UPF2: variants seen among roughly 807,000 people sequenced by gnomAD.
UPF2 encodes UPF2 regulator of nonsense mediated mRNA decay.
A neutral mutation model predicts 141.4 loss-of-function variants in UPF2; 17 were observed. That is an observed-to-expected ratio of 0.12 (90% CI 0.08 to 0.18). UPF2 has a LOEUF of 0.18. Ranked by LOEUF, UPF2 falls within the 10% of genes least tolerant of loss-of-function variation. UPF2 has a pLI of 1.00. For missense variants in UPF2, 1,152 were observed against 1,515.9 expected, an observed-to-expected ratio of 0.76 and a Z score of 3.99; for synonymous variants, 540 against 498.0, an observed-to-expected ratio of 1.08 and a Z score of -1.12.
chr10:11,924,596 T>C (rs1381461095), intron 21 of UPF2, among the ~76,000 whole-genome samples: 1 of 152,096 alleles, frequency 6.6e-6, no homozygotes, highest in East Asian at 1.9e-4. Context: ...AAATCTTTTT[T>C]TTAAACTACT....
At chr10:11,981,847 G>A (rs1035450178) in intron 8 of UPF2, among the ~76,000 whole-genome samples, 16 of 152,188 alleles carry the variant, frequency 1.1e-4, no homozygotes, top group Admixed American at 5.2e-4. Context: ...CACCGTGCCC[G>A]GCTAATTTTT....
chr10:12,006,397 A>C (rs1391463804), intron 4 of UPF2, among the ~76,000 whole-genome samples: 3 of 152,224 alleles, frequency 2.0e-5, no homozygotes, highest in African/African-American at 4.8e-5. Context: ...CTACTCTCAC[A>C]TACTTCTCTC....
chr10:11,969,773 T>C (rs545504498), intron 9 of UPF2, among the ~76,000 whole-genome samples: 15 of 152,336 alleles, frequency 9.8e-5, no homozygotes, highest in African/African-American at 3.4e-4. Flanking sequence ...CCCAGCACTA[T>C]TACTTACACT....
At chr10:11,947,810 GAC>G (rs1833022071) in intron 16 of UPF2, among the ~76,000 whole-genome samples, 1 of 104,006 alleles carries the variant, frequency 9.6e-6, no homozygotes, top group African/African-American at 3.6e-5. Context: ...AAAAAAAAAA[GAC>G]ATGTGGAGAT....
At chr10:12,001,927 G>C in intron 5 of UPF2, 102 bp from the exon 6 acceptor site, 12 of 1,068,380 alleles carry the variant, frequency 1.1e-5, no homozygotes, top group Non-Finnish European at 1.6e-5. Flanking sequence ...TCTTTTAGAA[G>C]CTGCATGTAT....
In UPF2 at chr10:11,948,444, T is replaced by A. The variant is rs1367060563; in HGVS notation, c.3099A>T (p.Glu1033Asp). The A allele has an allele frequency of 4.3e-6, 7 of 1,612,772 alleles. 1 individual carries two copies. The Admixed American group carries it at 5.0e-5, about 12-fold the overall frequency. Residue 1033 changes from glutamate (E) to aspartate (D), a missense_variant, in exon 16 of 22, where the codon GAA becomes GAT. Physicochemically the swap from Glu to Asp is conservative, Grantham distance 45. Coordinates refer to ENST00000357604, the MANE Select transcript of UPF2 (RefSeq NM_015542.4). ...MTEGENLEED[E>D]EEEEGGAETE... ...TTTCAGCCCCACCTTCTTCTTCTTC[T>A]TCATCCTCTTCAAGATTTTCTCCTT...
intron 11 of UPF2, among the ~76,000 whole-genome samples, chr10:11,960,342 T>G (rs183902222): frequency 3.3e-4 from 50 of 151,842 alleles, no homozygotes; most frequent in African/African-American, 1.2e-3. Context: ...AGATCAGGAG[T>G]TTGAGACTAG....
rs1297597447 is a variant in UPF2, at chr10:12,016,650, C to T, written c.1146-2466G>A. Among the ~76,000 whole-genome samples, 1 of 151,194 alleles carries T rather than the reference C, an allele frequency of 6.6e-6. No individual in the cohort carries two copies. Among genetic ancestry groups the T allele is most frequent in the Non-Finnish European group, 1.5e-5 (1 of 67,888 alleles). On this transcript the variant is annotated intron_variant, in intron 3 of 21. Coordinates refer to ENST00000357604, the MANE Select transcript of UPF2 (RefSeq NM_015542.4). This position sits in a 1 kb window ranked among gnomAD's most constrained non-coding sequence, Gnocchi z 4.1. ...CAGAGGTTGCAGTGAGCCAAGATTG[C>T]ACCACTGTACTCCAGCCTGGGCGAC... is the stretch of plus-strand genomic sequence containing the variant.
At chr10:11,951,949 C>A in intron 15 of UPF2, 117 bp downstream of exon 15, 1 of 1,104,660 alleles carries the variant, frequency 9.1e-7, no homozygotes, top group Admixed American at 2.0e-5. Context: ...ACGTAACACT[C>A]AACACCGAAA....
At chr10:12,030,768 C>T (rs1473954294) in intron 2 of UPF2, among the ~76,000 whole-genome samples, 2 of 150,126 alleles carry the variant, frequency 1.3e-5, no homozygotes, top group Non-Finnish European at 3.0e-5. Flanking sequence ...CCTGTAGTCC[C>T]AGCTACTCAG....
At chr10:11,976,123 G>A (rs748597857) in intron 9 of UPF2, among the ~76,000 whole-genome samples, 4 of 152,186 alleles carry the variant, frequency 2.6e-5, no homozygotes, top group Non-Finnish European at 4.4e-5. Context: ...AATCGTCAGT[G>A]AAATTAGCAA....
At chr10:11,938,853 G>GGTTT (rs1832889411) in intron 18 of UPF2, among the ~76,000 whole-genome samples, 1 of 79,816 alleles carries the variant, frequency 1.3e-5, no homozygotes, top group Non-Finnish European at 2.3e-5. Flanking sequence ...TTTTTTTTTT[G>GGTTT]TTTTTTTTTT....
intron 5 of UPF2, among the ~76,000 whole-genome samples, chr10:12,003,614 G>T (rs111264998): frequency 3.3e-5 from 5 of 152,128 alleles, no homozygotes; most frequent in African/African-American, 1.2e-4. Flanking sequence ...AGGTAGGCAG[G>T]AGAGTAAAAT....
chr10:12,014,566 AATT>A lies in UPF2; in HGVS notation c.1146-385_1146-383del. Among the ~76,000 whole-genome samples the A allele has an allele frequency of 6.6e-6, 1 of 152,360 alleles. No homozygotes were observed. The highest frequency in any genetic ancestry group is 3.4e-3 in the Middle Eastern group (1 of 294). On this transcript the variant is annotated intron_variant, in intron 3 of 21. Transcript: ENST00000357604. This position sits in a 1 kb window ranked among gnomAD's most constrained non-coding sequence, Gnocchi z 5.0. Reference sequence around the variant, plus strand: ...AAAGAAACAGGTTATACAAAGAATCAATTATTCTTAAACCTCCATGATTTGAAT... The same window carrying A: ...AAAGAAACAGGTTATACAAAGAATCAATTCTTAAACCTCCATGATTTGAAT...
At chr10:12,015,280 C>T (rs771218357) in intron 3 of UPF2, among the ~76,000 whole-genome samples, 2 of 152,182 alleles carry the variant, frequency 1.3e-5, no homozygotes, top group Non-Finnish European at 2.9e-5. Context: ...CATCTTCCAT[C>T]TTCTAAAAGT....
At chr10:11,938,847 T>C (rs886519402) in intron 18 of UPF2, among the ~76,000 whole-genome samples, 1 of 119,522 alleles carries the variant, frequency 8.4e-6, no homozygotes, top group Non-Finnish European at 1.6e-5. Context: ...AGCAAGTTTT[T>C]TTTTTGTTTT....
At chr10:11,942,799 T>A (rs2131171068) in intron 17 of UPF2, 36 bp from the exon 18 acceptor site, 1 of 1,590,350 alleles carries the variant, frequency 6.3e-7, no homozygotes, top group East Asian at 2.2e-5. Flanking sequence ...AGACCAGAAA[T>A]TTTAACTGTA....
At chr10:11,947,550 GGGA>G (rs1383023559) in intron 16 of UPF2, among the ~76,000 whole-genome samples, 2 of 152,076 alleles carry the variant, frequency 1.3e-5, no homozygotes, top group Non-Finnish European at 2.9e-5. Context: ...GAAAGGCTGA[GGGA>G]GGAGGACTGC....
intron 21 of UPF2, among the ~76,000 whole-genome samples, chr10:11,924,973 C>G (rs574442233): frequency 6.6e-6 from 1 of 152,150 alleles, no homozygotes; most frequent in African/African-American, 2.4e-5. Flanking sequence ...TGCCCGCCAC[C>G]ATGACCGGCT....
Sources: allele counts gnomAD v4.1 joint callset (sites outside exome capture counted in the v4.1 genomes callset), GRCh38; gene constraint gnomAD v4.1.1; non-coding constraint Gnocchi (gnomAD v3.1); transcripts MANE v1.5; gene names NCBI Gene and HGNC (gene_info 2026-07-23, HGNC 2026-07-21).